The following LIMK2 variants were observed in gnomAD, a reference collection of about 807,000 sequenced individuals.
LIMK2 encodes the protein LIM domain kinase 2.
Under a neutral mutation model 75.7 loss-of-function variants are expected in LIMK2, and 35 were observed. The observed-to-expected ratio is 0.46, with a 90% CI of 0.35 to 0.61. The LOEUF (loss-of-function observed/expected upper bound fraction) is 0.61. LIMK2 is among the 20% of genes least tolerant of loss of function. The pLI, the probability that LIMK2 is intolerant of heterozygous loss-of-function variation, is 0.00. For missense variants in LIMK2, 623 were observed against 831.0 expected (o/e 0.75, Z 3.08); for synonymous variants, 301 against 319.2 (o/e 0.94, Z 0.61).
intron 14 of LIMK2, 61 bp downstream of exon 14, chr22:31,273,568 G>A (rs1037518373): frequency 2.7e-5 from 37 of 1,348,534 alleles, no homozygotes; most frequent in East Asian, 2.1e-4. Context: ...GCCTTCCCTC[G>A]GAACTGGGGC....
chr22:31,244,547 A>T (rs1022663409), intron 2 of LIMK2, among the ~76,000 whole-genome samples: 2 of 151,906 alleles, frequency 1.3e-5, no homozygotes, highest in African/African-American at 4.8e-5. Context: ...CCCCTCGGCT[A>T]GGATCCTGAC....
chr22:31,263,216 C>CCA (rs1195333725), intron 7 of LIMK2, among the ~76,000 whole-genome samples: 2 of 152,136 alleles, frequency 1.3e-5, no homozygotes, highest in Admixed American at 6.5e-5. Flanking sequence ...CCAACAACCC[C>CCA]CAAACCCCAG....
Position 31,275,312 on chromosome 22 carries a change from G to A in LIMK2, c.1772+4G>A. Reference sequence around the variant, plus strand: ...GCAGACTGGAGCCTGAGAGCAGGTTGGTATCCTGCCTTTTTCTCCCAGCTC... The same window carrying A: ...GCAGACTGGAGCCTGAGAGCAGGTTAGTATCCTGCCTTTTTCTCCCAGCTC... On this transcript the variant is annotated splice_donor_region_variant and intron_variant, in intron 15 of 15. Coordinates refer to ENST00000331728, the MANE Select transcript of LIMK2 (RefSeq NM_005569.4). 1 of 1,614,056 alleles carries A rather than the reference G, an allele frequency of 6.2e-7. No homozygotes were observed. Among genetic ancestry groups the A allele is most frequent in the Non-Finnish European group, 8.5e-7 (1 of 1,179,990 alleles).
chr22:31,231,658 A>G (rs753595885), intron 2 of LIMK2, among the ~76,000 whole-genome samples: 3 of 152,196 alleles, frequency 2.0e-5, no homozygotes, highest in Non-Finnish European at 4.4e-5. Flanking sequence ...TACTTTGAGA[A>G]GAGAGAACTA....
At chr22:31,235,463 C>T (rs989807759) in intron 2 of LIMK2, among the ~76,000 whole-genome samples, 2 of 152,156 alleles carry the variant, frequency 1.3e-5, no homozygotes, top group Non-Finnish European at 2.9e-5. Context: ...CCCCAGGAGT[C>T]CTTCTTTCCA....
rs1273614594 is a variant in LIMK2 at position 31,212,379 on chromosome 22, C to T, written c.-30C>T. ...AGGGGAGCTGCTGTGTCCCCCGCCT[C>T]CTCCTCCCCATTTCCGCGCTCCCGG... On this transcript the variant is annotated 5_prime_UTR_variant, in exon 1 of 16. Transcript: ENST00000331728. The T allele has an allele frequency of 1.5e-6, 2 of 1,337,022 alleles. No homozygotes were observed. The highest frequency in any genetic ancestry group is 1.9e-6 in the Non-Finnish European group (2 of 1,034,504). The allele number at this position is 1,337,022 out of a possible 1,614,324, so 82.8% of individuals were successfully genotyped here.
intron 14 of LIMK2, 119 bp from the exon 15 acceptor site, chr22:31,275,032 C>T (rs1385176445): frequency 4.2e-6 from 4 of 948,086 alleles, no homozygotes; most frequent in Non-Finnish European, 6.7e-6. Flanking sequence ...AGCTCTCTAA[C>T]CTATTTTACC....
intron 2 of LIMK2, among the ~76,000 whole-genome samples, chr22:31,227,295 C>T (rs927324425): frequency 2.6e-5 from 4 of 152,230 alleles, no homozygotes; most frequent in Admixed American, 2.6e-4. Flanking sequence ...AGGCAGGCAC[C>T]TTGTGCTGTA....
intron 14 of LIMK2, among the ~76,000 whole-genome samples, chr22:31,274,020 T>C (rs572873942): frequency 1.3e-5 from 2 of 149,394 alleles, no homozygotes; most frequent in African/African-American, 4.9e-5. Flanking sequence ...TTTTTTTTTT[T>C]AGTTGAGGAA....
chr22:31,252,697 G>T (rs536926134), intron 2 of LIMK2, among the ~76,000 whole-genome samples: 1 of 152,264 alleles, frequency 6.6e-6, no homozygotes, highest in Non-Finnish European at 1.5e-5. Flanking sequence ...GTCTGCATTT[G>T]CCCTTGGTGG....
chr22:31,263,338 C>A (rs2048859884), intron 7 of LIMK2, among the ~76,000 whole-genome samples: 1 of 152,092 alleles, frequency 6.6e-6, no homozygotes, highest in Non-Finnish European at 1.5e-5. Flanking sequence ...ATACTGATAC[C>A]CTACTGGGGC....
chr22:31,266,536 G>T (rs1003089007), intron 8 of LIMK2, among the ~76,000 whole-genome samples: 1 of 152,120 alleles, frequency 6.6e-6, no homozygotes, highest in Admixed American at 6.5e-5. Flanking sequence ...GCTGAGAACT[G>T]GGAGGGGGGG....
chr22:31,266,854 G>T (rs530874573), intron 8 of LIMK2, 130 bp from the exon 9 acceptor site: 4 of 682,182 alleles, frequency 5.9e-6, no homozygotes, highest in Non-Finnish European at 1.1e-5. Context: ...TTCCACACAT[G>T]AACTCTGTCA....
intron 1 of LIMK2, among the ~76,000 whole-genome samples, chr22:31,220,825 C>T (rs940013659): frequency 1.4e-4 from 22 of 152,076 alleles, no homozygotes; most frequent in Non-Finnish European, 8.8e-5. Flanking sequence ...AGCCGGGCGT[C>T]GTGGCGCATG....
intron 2 of LIMK2, among the ~76,000 whole-genome samples, chr22:31,242,965 T>A (rs1382770462): frequency 6.6e-6 from 1 of 152,202 alleles, no homozygotes; most frequent in African/African-American, 2.4e-5. Flanking sequence ...CTCTGTCACC[T>A]AGGCTGGTGT....
At chr22:31,266,193 G>A (rs1256301649) in intron 8 of LIMK2, 61 bp downstream of exon 8, 38 of 1,544,120 alleles carry the variant, frequency 2.5e-5, no homozygotes, top group Middle Eastern at 1.9e-4. Context: ...ACTGTCTTTC[G>A]GGGATTTCTC....
intron 2 of LIMK2, among the ~76,000 whole-genome samples, chr22:31,250,904 A>G (rs1028881503): frequency 6.6e-6 from 1 of 152,318 alleles, no homozygotes; most frequent in Middle Eastern, 3.4e-3. Flanking sequence ...GGGGAGTACA[A>G]AGTCTATGGG....
chr22:31,239,847 A>C (rs1252983377), intron 2 of LIMK2, among the ~76,000 whole-genome samples: 7 of 152,208 alleles, frequency 4.6e-5, no homozygotes, highest in African/African-American at 1.4e-4. Flanking sequence ...ACACTTGAAT[A>C]AAGTCCATCC....
chr22:31,212,607 C>G (rs577879916), intron 1 of LIMK2, among the ~76,000 whole-genome samples, 183 bp downstream of exon 1: 2 of 152,030 alleles, frequency 1.3e-5, no homozygotes, highest in South Asian at 4.2e-4. Flanking sequence ...GAGGGTGGGA[C>G]TCCGGGAATG....
Sources: allele counts gnomAD v4.1 joint callset (sites outside exome capture counted in the v4.1 genomes callset), GRCh38; gene constraint gnomAD v4.1.1; transcripts MANE v1.5; gene names NCBI Gene and HGNC (gene_info 2026-07-23, HGNC 2026-07-21).